SAMD12: variants seen among roughly 807,000 people sequenced by gnomAD.
SAMD12 encodes sterile alpha motif domain containing 12, also known as sterile alpha motif domain-containing protein 12.
A neutral mutation model predicts 15.0 loss-of-function variants in SAMD12; 9 were observed. That is an observed-to-expected ratio of 0.60 (90% confidence interval 0.36 to 1.05). The LOEUF is 1.05. SAMD12 is among the 50% of genes least tolerant of loss of function. SAMD12 has a pLI of 0.01. For synonymous variants in SAMD12, 86 were observed against 90.1 expected (o/e 0.96, Z 0.25); for missense variants, 230 against 234.2 (o/e 0.98, Z 0.12).
intron 4 of SAMD12, among the ~76,000 whole-genome samples, chr8:118,278,788 T>C (rs545643202): frequency 6.6e-6 from 1 of 152,286 alleles, no homozygotes; most frequent in Non-Finnish European, 1.5e-5. Flanking sequence ...TGAGGCTTCA[T>C]ACATGATCAA....
intron 4 of SAMD12, among the ~76,000 whole-genome samples, chr8:118,351,790 G>A (rs570033788): frequency 6.6e-6 from 1 of 152,272 alleles, no homozygotes; most frequent in South Asian, 2.1e-4. Flanking sequence ...CCTGCAGAGT[G>A]TGTCTAAAAA....
At chr8:118,432,654 G>A (rs1822450586) in intron 3 of SAMD12, among the ~76,000 whole-genome samples, 1 of 152,192 alleles carries the variant, frequency 6.6e-6, no homozygotes, top group Non-Finnish European at 1.5e-5. Flanking sequence ...CCCAGATGAA[G>A]AGAACTAAGG....
At position 118,318,308 on chromosome 8, in the gene SAMD12, GTGTATATATATATATATATATATA is replaced by G. The variant is rs1248956010; in HGVS notation, c.433+61228_433+61251del. Among the ~76,000 whole-genome samples the G allele has an allele frequency of 3.8e-4, 22 of 57,528 alleles. 1 individual carries two copies. The highest frequency in any genetic ancestry group is 8.5e-3 in the Middle Eastern group (1 of 118). The allele number at this position is 57,528 out of a possible 152,430, so 37.7% of individuals were successfully genotyped here. ...GATTAAAAAAATATGGGAGATATAT[GTGTATATATATATATATATATATA>G]TATATATATATATATATATATATAC... is the stretch of plus-strand genomic sequence containing the variant. On this transcript the variant is annotated intron_variant, in intron 4 of 4. Coordinates refer to the SAMD12 transcript ENST00000409003.
At chr8:118,600,938 A>G (rs1050209146) in intron 1 of SAMD12, among the ~76,000 whole-genome samples, 2 of 152,342 alleles carry the variant, frequency 1.3e-5, no homozygotes, top group African/African-American at 4.8e-5. Flanking sequence ...GGCACTCCTT[A>G]TTCCGACTCA....
At chr8:118,144,580 C>A in the SAMD12 span, among the ~76,000 whole-genome samples, 2 of 149,882 alleles carry the variant, frequency 1.3e-5, no homozygotes, top group South Asian at 4.2e-4. Context: ...GAATTAATAA[C>A]ATTTTTATTA....
At chr8:118,427,809 G>C (rs1016840034) in intron 3 of SAMD12, among the ~76,000 whole-genome samples, 2 of 152,134 alleles carry the variant, frequency 1.3e-5, no homozygotes, top group African/African-American at 4.8e-5. Context: ...TGGAACTGCA[G>C]AATCATCTCA....
intron 4 of SAMD12, among the ~76,000 whole-genome samples, chr8:118,308,783 T>C: frequency 6.6e-6 from 1 of 152,004 alleles, no homozygotes; most frequent in East Asian, 1.9e-4. Context: ...CAAGTTCTAA[T>C]AGCTGCTTAA....
chr8:118,240,720 C>T (rs1812543748), intron 4 of SAMD12, among the ~76,000 whole-genome samples: 1 of 151,846 alleles, frequency 6.6e-6, no homozygotes, highest in African/African-American at 2.4e-5. Context: ...TCTTAAAGTG[C>T]CGACTACAAG....
the SAMD12 span, among the ~76,000 whole-genome samples, chr8:118,181,589 C>T: frequency 2.0e-5 from 3 of 152,184 alleles, no homozygotes; most frequent in Non-Finnish European, 2.9e-5. Flanking sequence ...TCTCTTTCTG[C>T]ATAAGGCTGG....
At chr8:118,518,338 C>A (rs1290271217) in intron 2 of SAMD12, among the ~76,000 whole-genome samples, 1 of 152,144 alleles carries the variant, frequency 6.6e-6, no homozygotes, top group African/African-American at 2.4e-5. Flanking sequence ...GCATTATCTG[C>A]AAAGCAAGAA....
At chr8:118,596,930 G>T (rs1013227657) in intron 1 of SAMD12, among the ~76,000 whole-genome samples, 1 of 152,146 alleles carries the variant, frequency 6.6e-6, no homozygotes, top group African/African-American at 2.4e-5. Context: ...GAGAGTGTTT[G>T]GGAGACAGGA....
intron 2 of SAMD12, among the ~76,000 whole-genome samples, chr8:118,474,395 G>C (rs927233127): frequency 2.0e-5 from 3 of 151,372 alleles, no homozygotes; most frequent in Admixed American, 2.0e-4. Context: ...AATTTTTTTT[G>C]TTTTGAGACA....
At chr8:118,151,786 C>G in the SAMD12 span, among the ~76,000 whole-genome samples, 1 of 150,040 alleles carries the variant, frequency 6.7e-6, no homozygotes, top group Non-Finnish European at 1.5e-5. Flanking sequence ...GCTGAGATCA[C>G]GCCACTGCAC....
At chr8:118,214,336 CCTT>C (rs910988064) in intron 4 of SAMD12, among the ~76,000 whole-genome samples, 3 of 152,192 alleles carry the variant, frequency 2.0e-5, no homozygotes, top group Non-Finnish European at 2.9e-5. Context: ...CTGTTGTTCA[CCTT>C]CTATGTCAGG....
intron 2 of SAMD12, among the ~76,000 whole-genome samples, chr8:118,464,434 T>C (rs1386067472): frequency 1.3e-5 from 2 of 152,192 alleles, no homozygotes; most frequent in South Asian, 2.1e-4. Flanking sequence ...ATAGGTTGAC[T>C]GTAGTCAGAA....
chr8:118,158,135 AG>A, the SAMD12 span, among the ~76,000 whole-genome samples: 1 of 152,244 alleles, frequency 6.6e-6, no homozygotes, highest in Non-Finnish European at 1.5e-5. Flanking sequence ...TCTAGGAGAC[AG>A]AGGACTCTAG....
rs538623951 is a variant in SAMD12 at position 118,315,075 on chromosome 8, G to A, written c.433+64485C>T. Among the ~76,000 whole-genome samples, 7 of 152,084 alleles carry A rather than the reference G, an allele frequency of 4.6e-5. No individual in the cohort carries two copies. The East Asian group carries it at 5.8e-4, about 13-fold the overall frequency. On this transcript the variant is annotated intron_variant, in intron 4 of 4. Transcript: ENST00000409003. ...ACTTAGTTGATAACTATGTTATCTC[G>A]CCTCTTGGAAAGATTCTTTTCCTCT... is the stretch of plus-strand genomic sequence containing the variant.
chr8:118,238,689 CA>C (rs1812491129), intron 4 of SAMD12, among the ~76,000 whole-genome samples: 1 of 152,062 alleles, frequency 6.6e-6, no homozygotes, highest in Admixed American at 6.6e-5. Context: ...AGAGATTAGA[CA>C]AAAAGCATCT....
intron 2 of SAMD12, among the ~76,000 whole-genome samples, chr8:118,443,037 T>C (rs1338271365): frequency 6.6e-6 from 1 of 152,182 alleles, no homozygotes; most frequent in Non-Finnish European, 1.5e-5. Context: ...TGTTCTAAGT[T>C]TTCCTTTTAT....
Sources: allele counts gnomAD v4.1 joint callset (sites outside exome capture counted in the v4.1 genomes callset), GRCh38; gene constraint gnomAD v4.1.1; transcripts MANE v1.5; gene names NCBI Gene and HGNC (gene_info 2026-07-23, HGNC 2026-07-21).